The following LRMDA variants were observed in gnomAD, a reference collection of about 807,000 sequenced individuals.
LRMDA encodes the protein leucine rich melanocyte differentiation associated.
LRMDA carries 18 observed loss-of-function variants against 29.8 expected under a neutral mutation model. The ratio of observed to expected loss-of-function variants is 0.60; its 90% confidence interval spans 0.42 to 0.90. The LOEUF is 0.90. Among genes scored for constraint, LRMDA ranks in the 40% least tolerant of loss-of-function variants. The pLI, the probability that LRMDA is intolerant of heterozygous loss-of-function variation, is 0.00. For synonymous variants in LRMDA, 125 were observed against 109.4 expected, an observed-to-expected ratio of 1.14 and a Z score of -0.89; for missense variants, 273 against 273.9, an observed-to-expected ratio of 1.00 and a Z score of 0.02.
At chr10:75,718,495 T>C (rs1455678430) in intron 2 of LRMDA, among the ~76,000 whole-genome samples, 1 of 152,210 alleles carries the variant, frequency 6.6e-6, no homozygotes, top group Non-Finnish European at 1.5e-5. Flanking sequence ...ATAGATACTC[T>C]GGTGGTAGGA....
intron 5 of LRMDA, among the ~76,000 whole-genome samples, chr10:76,059,300 C>CTAGGG (rs1848667386): frequency 6.6e-6 from 1 of 152,202 alleles, no homozygotes; most frequent in Non-Finnish European, 1.5e-5. Context: ...ATGTGCCCCC[C>CTAGGG]ACATGTATCT....
intron 2 of LRMDA, among the ~76,000 whole-genome samples, chr10:75,607,128 G>T (rs1022627058): frequency 2.0e-5 from 3 of 152,194 alleles, no homozygotes; most frequent in Admixed American, 1.3e-4. Context: ...CAGTTTTAAT[G>T]ACTAGTTAAA....
intron 2 of LRMDA, among the ~76,000 whole-genome samples, chr10:76,009,652 G>A (rs941947993): frequency 2.0e-5 from 3 of 152,152 alleles, no homozygotes; most frequent in Non-Finnish European, 4.4e-5. Context: ...CCTCCCAGTG[G>A]TCTGAGGGCC....
At chr10:76,170,785 A>G (rs1850821103) in intron 5 of LRMDA, among the ~76,000 whole-genome samples, 1 of 152,198 alleles carries the variant, frequency 6.6e-6, no homozygotes, top group South Asian at 2.1e-4. Context: ...CCAGAAATTG[A>G]ACTCTGGACT....
At chr10:76,010,603 T>C (rs1217400804) in intron 2 of LRMDA, among the ~76,000 whole-genome samples, 1 of 152,218 alleles carries the variant, frequency 6.6e-6, no homozygotes, top group African/African-American at 2.4e-5. Flanking sequence ...TGAGCCACTG[T>C]GCCCAGGCTA....
At chr10:76,442,057 T>C (rs999395052) in intron 6 of LRMDA, among the ~76,000 whole-genome samples, 3 of 152,218 alleles carry the variant, frequency 2.0e-5, no homozygotes, top group African/African-American at 7.2e-5. Flanking sequence ...GAGCATTTCT[T>C]TTTAATTTAA....
At chr10:75,880,563 C>T (rs1001976232) in intron 2 of LRMDA, among the ~76,000 whole-genome samples, 1 of 152,112 alleles carries the variant, frequency 6.6e-6, no homozygotes, top group Non-Finnish European at 1.5e-5. Context: ...TTCTGGCAAG[C>T]TAATTCATTG....
chr10:76,389,314 G>C (rs185485875), intron 6 of LRMDA, among the ~76,000 whole-genome samples: 37 of 152,180 alleles, frequency 2.4e-4, no homozygotes, highest in African/African-American at 8.9e-4. Context: ...TGGAGAGATT[G>C]ACAGGAATAA....
chr10:76,222,660 A>G (rs1407103304), intron 5 of LRMDA, among the ~76,000 whole-genome samples: 1 of 152,192 alleles, frequency 6.6e-6, no homozygotes, highest in Non-Finnish European at 1.5e-5. Flanking sequence ...ACACTTTTAC[A>G]CTGTTGGTGG....
Position 76,276,051 on chromosome 10 carries a change from A to ATCTATCTTTCTTTC in LRMDA, c.517-48347_517-48346insATCTTTCTTTCTCT, listed in dbSNP as rs1198060291. ...TATCTATCTATCTATCTATCTATCTATCTCTTTCTTTCTCTCTTTCTTTCT... is the reference window on the plus strand; with the variant it reads ...TATCTATCTATCTATCTATCTATCTATCTATCTTTCTTTCTCTCTTTCTTTCTCTCTTTCTTTCT... On this transcript the variant is annotated intron_variant, in intron 5 of 6. Coordinates refer to ENST00000611255, the MANE Select transcript of LRMDA (RefSeq NM_001305581.2). Among the ~76,000 whole-genome samples, 216 of 127,586 alleles carry ATCTATCTTTCTTTC rather than the reference A, an allele frequency of 1.7e-3. 7 individuals are homozygous for ATCTATCTTTCTTTC. In the East Asian group the frequency reaches 0.04, roughly 23 times the overall value. 83.7% of individuals were successfully genotyped at this position (127,586 alleles called of 152,430 possible). A position where few individuals can be genotyped will look rare whatever the true frequency, so the allele number is the denominator to read the frequency against.
intron 6 of LRMDA, among the ~76,000 whole-genome samples, chr10:76,486,662 CT>C (rs1842785391): frequency 6.6e-6 from 1 of 151,808 alleles, no homozygotes. Context: ...CTTACTGGGA[CT>C]TTGTTTGGAG....
intron 2 of LRMDA, among the ~76,000 whole-genome samples, chr10:75,991,881 T>A (rs1401020456): frequency 1.3e-5 from 2 of 152,214 alleles, no homozygotes; most frequent in Non-Finnish European, 2.9e-5. Flanking sequence ...AGCAGTCAGC[T>A]GCCCCTGACT....
At chr10:75,444,192 A>C (rs188755611) in intron 2 of LRMDA, among the ~76,000 whole-genome samples, 5 of 152,162 alleles carry the variant, frequency 3.3e-5, no homozygotes, top group Non-Finnish European at 7.3e-5. Flanking sequence ...TGCATTAACT[A>C]TGGCAAATCC....
intron 2 of LRMDA, among the ~76,000 whole-genome samples, chr10:75,454,907 A>G (rs1844498698): frequency 6.6e-6 from 1 of 152,176 alleles, no homozygotes; most frequent in Admixed American, 6.5e-5. Flanking sequence ...GGAGCACTGT[A>G]TTTGTTCCAA....
intron 6 of LRMDA, among the ~76,000 whole-genome samples, chr10:76,350,602 T>C (rs1450772782): frequency 6.6e-6 from 1 of 152,048 alleles, no homozygotes; most frequent in East Asian, 1.9e-4. Context: ...GTTGCTGGTG[T>C]AGGGTCATTT....
At chr10:75,921,618 A>C (rs1253963168) in intron 2 of LRMDA, among the ~76,000 whole-genome samples, 1 of 152,160 alleles carries the variant, frequency 6.6e-6, no homozygotes, top group Non-Finnish European at 1.5e-5. Context: ...GTCTGTGTGC[A>C]TGCATGTGTG....
At chr10:76,163,512 C>T (rs1222493753) in intron 5 of LRMDA, among the ~76,000 whole-genome samples, 2 of 151,524 alleles carry the variant, frequency 1.3e-5, no homozygotes, top group African/African-American at 4.8e-5. Flanking sequence ...TTTTTTTCAA[C>T]TTGAAGAAAA....
intron 2 of LRMDA, among the ~76,000 whole-genome samples, chr10:75,579,155 C>T (rs1353640992): frequency 1.3e-5 from 2 of 152,074 alleles, no homozygotes; most frequent in Admixed American, 6.6e-5. Flanking sequence ...AAAAGATCAA[C>T]AAAATAGATA....
At chr10:76,084,863 G>A (rs1312548475) in intron 5 of LRMDA, among the ~76,000 whole-genome samples, 1 of 152,176 alleles carries the variant, frequency 6.6e-6, no homozygotes. Flanking sequence ...AATAGCAGGG[G>A]TGGGACTACA....
Sources: allele counts gnomAD v4.1 joint callset (sites outside exome capture counted in the v4.1 genomes callset), GRCh38; gene constraint gnomAD v4.1.1; transcripts MANE v1.5; gene names NCBI Gene and HGNC (gene_info 2026-07-23, HGNC 2026-07-21).